The following SATB2 variants were observed in gnomAD, a reference collection of about 807,000 sequenced individuals.
The protein encoded by SATB2 is DNA-binding protein SATB2.
SATB2 carries 1 observed loss-of-function variant against 73.4 expected under a neutral mutation model. The ratio of observed to expected loss-of-function variants is 0.01; its 90% CI spans 0.00 to 0.06. SATB2 has a LOEUF of 0.06. Ranked by LOEUF, SATB2 falls within the 10% of genes least tolerant of loss-of-function variation. SATB2 has a pLI of 1.00. For missense variants in SATB2, 459 were observed against 945.8 expected, an observed-to-expected ratio of 0.49 and a Z score of 6.75; for synonymous variants, 397 against 367.0, an observed-to-expected ratio of 1.08 and a Z score of -0.93.
chr2:199,388,062 T>A (rs1300377947), intron 3 of SATB2, among the ~76,000 whole-genome samples: 3 of 152,054 alleles, frequency 2.0e-5, no homozygotes, highest in Non-Finnish European at 4.4e-5. Flanking sequence ...AACAAAAGAG[T>A]GGTGATAATA....
chr2:199,285,249 A>T (rs1280448466), intron 10 of SATB2, among the ~76,000 whole-genome samples: 4 of 152,136 alleles, frequency 2.6e-5, no homozygotes, highest in Non-Finnish European at 5.9e-5. Flanking sequence ...AAACATCCTT[A>T]CTTGAGTCAA....
chr2:199,427,200 T>C (rs1306170543), intron 3 of SATB2, among the ~76,000 whole-genome samples: 2 of 152,136 alleles, frequency 1.3e-5, no homozygotes, highest in African/African-American at 2.4e-5. Flanking sequence ...TTTAAAATCA[T>C]AGTATTTGAA....
intron 3 of SATB2, among the ~76,000 whole-genome samples, chr2:199,394,679 C>A (rs1443674588): frequency 6.6e-6 from 1 of 152,044 alleles, no homozygotes; most frequent in East Asian, 1.9e-4. Context: ...CACGTACCTG[C>A]AGTCCCAGCT....
intron 3 of SATB2, among the ~76,000 whole-genome samples, chr2:199,429,322 C>G (rs187296281): frequency 2.0e-5 from 3 of 152,220 alleles, no homozygotes; most frequent in African/African-American, 7.2e-5. Context: ...ATCCCATCAC[C>G]TACTCTGCTG....
chr2:199,284,074 T>C lies in SATB2; in HGVS notation c.1741-11402A>G, dbSNP rs192293703. 1.2e-3 allele frequency among the ~76,000 whole-genome samples: 181 copies of C among 152,348 alleles called. 1 individual carries two copies. The highest frequency in any genetic ancestry group is 3.4e-4 in the Non-Finnish European group (23 of 68,030). ...ACTCCAGGAAAAATATCTGACAGCATTTGTTGCCAATTATACCTTTTAACC... is the reference window on the plus strand; with the variant it reads ...ACTCCAGGAAAAATATCTGACAGCACTTGTTGCCAATTATACCTTTTAACC... On this transcript the variant is annotated intron_variant, in intron 10 of 10. Transcript: ENST00000417098.
rs1021295770 is a variant in SATB2 at position 199,392,230 on chromosome 2, A to T, written c.347-10410T>A. ...CACTAATTCTCCTCAAAAGAGCAGA[A>T]AAATCAAAATTCCCAGATTCCTTTT... On this transcript the variant is annotated intron_variant, in intron 3 of 10. Coordinates refer to ENST00000417098, the MANE Select transcript of SATB2 (RefSeq NM_001172509.2). 4.6e-5 allele frequency among the ~76,000 whole-genome samples: 7 copies of T among 152,196 alleles called. No homozygotes were observed. In the East Asian group the frequency reaches 1.2e-3, roughly 25 times the overall value.
chr2:199,302,955 A>G (rs977946842), intron 10 of SATB2, among the ~76,000 whole-genome samples: 8 of 152,190 alleles, frequency 5.3e-5, no homozygotes, highest in Non-Finnish European at 1.5e-5. Context: ...CATCACACCA[A>G]TGATTTGTGG....
chr2:199,305,349 G>C (rs1048913099), intron 10 of SATB2, among the ~76,000 whole-genome samples: 1 of 152,006 alleles, frequency 6.6e-6, no homozygotes, highest in Admixed American at 6.6e-5. Context: ...GCCGATAGGG[G>C]GGTAAAAGGT....
At chr2:199,327,652 A>C (rs1318797666) in intron 8 of SATB2, among the ~76,000 whole-genome samples, 3 of 152,002 alleles carry the variant, frequency 2.0e-5, no homozygotes, top group Admixed American at 6.6e-5. Context: ...TGAGACCTTG[A>C]CCCTTGAGTT....
At chr2:199,400,597 T>C (rs1262494467) in intron 3 of SATB2, among the ~76,000 whole-genome samples, 1 of 152,200 alleles carries the variant, frequency 6.6e-6, no homozygotes, top group Non-Finnish European at 1.5e-5. Context: ...TACGTAATAA[T>C]GGTAAGACAA....
At chr2:199,452,737 T>C (rs989670566) in intron 2 of SATB2, among the ~76,000 whole-genome samples, 1 of 152,102 alleles carries the variant, frequency 6.6e-6, no homozygotes, top group Non-Finnish European at 1.5e-5. Flanking sequence ...AACTCTCTCC[T>C]AGCCTTCATA....
chr2:199,421,377 T>C (rs1691164587), intron 3 of SATB2, among the ~76,000 whole-genome samples: 1 of 151,926 alleles, frequency 6.6e-6, no homozygotes, highest in African/African-American at 2.4e-5. Flanking sequence ...ATATGGGAGA[T>C]TTCATGATTT....
At chr2:199,320,501 G>A (rs1687856256) in intron 9 of SATB2, among the ~76,000 whole-genome samples, 1 of 152,132 alleles carries the variant, frequency 6.6e-6, no homozygotes, top group East Asian at 1.9e-4. Flanking sequence ...ATACCTAATG[G>A]AAGTGGATGA....
intron 10 of SATB2, among the ~76,000 whole-genome samples, chr2:199,292,085 C>A (rs1692884016): frequency 1.3e-5 from 2 of 150,292 alleles, no homozygotes; most frequent in African/African-American, 4.9e-5. Context: ...AAAAAAAAAA[C>A]ACTTCATAGG....
chr2:199,462,452 G>A (rs1380816069), upstream of SATB2, among the ~76,000 whole-genome samples: 1 of 152,190 alleles, frequency 6.6e-6, no homozygotes, highest in East Asian at 1.9e-4. This position sits in a 1 kb window ranked among gnomAD's most constrained non-coding sequence, Gnocchi z 5.9. Flanking sequence ...TACCCCAGTG[G>A]GGGACGCGCC....
At position 199,285,877 on chromosome 2, in the gene SATB2, G is replaced by GTTTTTT. The variant is rs1236266312; in HGVS notation, c.1741-13211_1741-13206dup. Among the ~76,000 whole-genome samples the GTTTTTT allele has an allele frequency of 1.5e-5, 2 of 136,302 alleles. 1 individual carries two copies. The highest frequency in any genetic ancestry group is 3.1e-5 in the Non-Finnish European group (2 of 64,318). 89.4% of individuals were successfully genotyped at this position (136,302 alleles called of 152,430 possible). A position where few individuals can be genotyped will look rare whatever the true frequency, so the allele number is the denominator to read the frequency against. On this transcript the variant is annotated intron_variant, in intron 10 of 10. Coordinates refer to ENST00000417098, the MANE Select transcript of SATB2 (RefSeq NM_001172509.2). The stretch of plus-strand genomic sequence containing the variant: ...GTTCAATTTCATCCAGCCTTAGTCT[G>GTTTTTT]TTTTTTTTTTTTTTTTTTAAATATT...
At chr2:199,350,841 A>C (rs955711017) in intron 6 of SATB2, among the ~76,000 whole-genome samples, 1 of 151,910 alleles carries the variant, frequency 6.6e-6, no homozygotes, top group Non-Finnish European at 1.5e-5. Flanking sequence ...TGGCCAACAC[A>C]GCAAAACCCC....
At chr2:199,320,079 G>A (rs905780783) in intron 9 of SATB2, among the ~76,000 whole-genome samples, 1 of 152,116 alleles carries the variant, frequency 6.6e-6, no homozygotes, top group Non-Finnish European at 1.5e-5. Flanking sequence ...GCAGAAGAGG[G>A]CCAGCAAGAT....
At chr2:199,434,191 T>C (rs529827385) in intron 2 of SATB2, among the ~76,000 whole-genome samples, 3 of 152,280 alleles carry the variant, frequency 2.0e-5, no homozygotes, top group African/African-American at 7.2e-5. Flanking sequence ...TTAATTTACA[T>C]TTATGTCAAA....
Sources: allele counts gnomAD v4.1 joint callset (sites outside exome capture counted in the v4.1 genomes callset), GRCh38; gene constraint gnomAD v4.1.1; non-coding constraint Gnocchi (gnomAD v3.1); transcripts MANE v1.5; gene names NCBI Gene and HGNC (gene_info 2026-07-23, HGNC 2026-07-21).